Variants in ANKRD44 observed in about 807,000 individuals in gnomAD.
ANKRD44 encodes serine/threonine-protein phosphatase 6 regulatory ankyrin repeat subunit B.
A neutral mutation model predicts 116.0 loss-of-function variants in ANKRD44; 35 were observed. The ratio of observed to expected loss-of-function variants is 0.30; its 90% CI spans 0.23 to 0.40. The LOEUF (loss-of-function observed/expected upper bound fraction) is 0.40. Among genes scored for constraint, ANKRD44 ranks in the 10% least tolerant of loss-of-function variants. ANKRD44 has a pLI of 1.00. For synonymous variants in ANKRD44, 435 were observed against 461.8 expected, an observed-to-expected ratio of 0.94 and a Z score of 0.74; for missense variants, 1,014 against 1,242.6, an observed-to-expected ratio of 0.82 and a Z score of 2.77.
chr2:197,124,748 C>T (rs1279222501), intron 6 of ANKRD44, among the ~76,000 whole-genome samples: 2 of 152,046 alleles, frequency 1.3e-5, no homozygotes, highest in Non-Finnish European at 2.9e-5. Context: ...TCTTCATTTC[C>T]CACAAGTCTA....
chr2:197,140,938 G>A (rs985257753), intron 3 of ANKRD44, among the ~76,000 whole-genome samples: 12 of 152,058 alleles, frequency 7.9e-5, no homozygotes, highest in Admixed American at 2.0e-4. Context: ...TCAATAGGCC[G>A]AGCGCGGTGG....
intron 1 of ANKRD44, chr2:197,296,289 T>G (rs1487769365): frequency 6.6e-6 from 1 of 152,188 alleles, no homozygotes. Flanking sequence ...TAGGACCTTT[T>G]GAGGGGCCAA....
chr2:197,027,426 A>C (rs1369037423), intron 16 of ANKRD44, among the ~76,000 whole-genome samples: 1 of 152,110 alleles, frequency 6.6e-6, no homozygotes, highest in Admixed American at 6.5e-5. Context: ...AGGGTATTTA[A>C]AGCCATAAGA....
chr2:196,976,702 C>CA (rs2075763364), intron 21 of ANKRD44, among the ~76,000 whole-genome samples: 1 of 151,814 alleles, frequency 6.6e-6, no homozygotes, highest in Non-Finnish European at 1.5e-5. Context: ...CCTATCGCCA[C>CA]AAAAAAATAC....
At chr2:197,038,513 C>A (rs2076848878) in intron 16 of ANKRD44, among the ~76,000 whole-genome samples, 1 of 152,150 alleles carries the variant, frequency 6.6e-6, no homozygotes, top group African/African-American at 2.4e-5. Context: ...AATCACTTAT[C>A]ATGAGGTGAC....
intron 9 of ANKRD44, among the ~76,000 whole-genome samples, chr2:197,105,171 TG>T (rs2078395783): frequency 6.6e-6 from 1 of 152,138 alleles, no homozygotes; most frequent in Non-Finnish European, 1.5e-5. Flanking sequence ...TGGAGTTCAG[TG>T]GTGTAATCTC....
intron 16 of ANKRD44, among the ~76,000 whole-genome samples, chr2:197,039,667 TTGTGTGTG>T (rs139563391): frequency 7.8e-6 from 1 of 128,322 alleles, no homozygotes; most frequent in Non-Finnish European, 1.6e-5. Flanking sequence ...GTGGTGGTGA[TTGTGTGTG>T]TGTGCGTGTG....
chr2:197,080,019 G>T (rs933415020), intron 15 of ANKRD44, among the ~76,000 whole-genome samples: 2 of 152,152 alleles, frequency 1.3e-5, no homozygotes, highest in African/African-American at 4.8e-5. Context: ...TATAAGGAAG[G>T]AAGTTCTTTT....
chr2:197,126,082 A>G lies in ANKRD44; in HGVS notation c.262-45T>C, dbSNP rs553522481. 3.4e-5 allele frequency: 55 copies of G among 1,596,416 alleles called. 1 individual carries two copies. The East Asian group carries it at 1.1e-3, about 33-fold the overall frequency. On this transcript the variant is annotated intron_variant, in intron 4 of 27. Transcript: ENST00000282272. ...TGCAGAGGTCACTGACAGACGTTCA[A>G]TCAATACTTACTGGTGTAAGATGCT...
At chr2:197,195,508 C>A (rs140436610) in intron 1 of ANKRD44, among the ~76,000 whole-genome samples, 2 of 152,042 alleles carry the variant, frequency 1.3e-5, no homozygotes, top group African/African-American at 4.8e-5. Context: ...TACAGGGATA[C>A]GGTGAAAACA....
intron 1 of ANKRD44, among the ~76,000 whole-genome samples, chr2:197,280,936 C>A (rs186430483): frequency 6.6e-6 from 1 of 151,438 alleles, no homozygotes; most frequent in Non-Finnish European, 1.5e-5. Context: ...TCAGTGGGGC[C>A]CAAAAAAGAA....
At position 197,220,972 on chromosome 2, in the gene ANKRD44, G is replaced by A. The variant is rs529680745; in HGVS notation, c.28-33866C>T. 7.2e-5 allele frequency among the ~76,000 whole-genome samples: 11 copies of A among 152,160 alleles called. No individual in the cohort carries two copies. The South Asian group carries it at 1.9e-3, about 26-fold the overall frequency. On this transcript the variant is annotated intron_variant, in intron 1 of 27. Coordinates refer to ENST00000282272, the MANE Select transcript of ANKRD44 (RefSeq NM_001195144.2). ...ATTGTAAAAATAGCTGCTAGAGGTCGGGCACAGTGGCTCACGCCTGTAATC... is the reference window on the plus strand; with the variant it reads ...ATTGTAAAAATAGCTGCTAGAGGTCAGGCACAGTGGCTCACGCCTGTAATC...
Position 197,115,515 on chromosome 2 carries a change from G to T in ANKRD44, c.907-4671C>A, listed in dbSNP as rs76794488. Among the ~76,000 whole-genome samples, 128 of 152,318 alleles carry T rather than the reference G, an allele frequency of 8.4e-4. No homozygotes were observed. The East Asian group carries it at 0.023, about 27-fold the overall frequency. Reference sequence around the variant, plus strand: ...ATCAATGTAAGCAAAATGAGGAACTGTGAAATGCAGGCTGAACACACATCC... The same window carrying T: ...ATCAATGTAAGCAAAATGAGGAACTTTGAAATGCAGGCTGAACACACATCC... On this transcript the variant is annotated intron_variant, in intron 8 of 27. Transcript: ENST00000282272.
chr2:197,039,010 A>T (rs2076859077), intron 16 of ANKRD44, among the ~76,000 whole-genome samples: 1 of 152,230 alleles, frequency 6.6e-6, no homozygotes, highest in Non-Finnish European at 1.5e-5. Flanking sequence ...TTTGGGTTAA[A>T]ATGATTTAAG....
At chr2:197,269,812 G>A (rs2082847223) in intron 1 of ANKRD44, among the ~76,000 whole-genome samples, 1 of 152,174 alleles carries the variant, frequency 6.6e-6, no homozygotes, top group African/African-American at 2.4e-5. Flanking sequence ...GGAGGCTTCG[G>A]AGAGACAGTG....
chr2:197,011,162 T>A (rs2076292753), intron 18 of ANKRD44, among the ~76,000 whole-genome samples: 1 of 152,210 alleles, frequency 6.6e-6, no homozygotes, highest in Admixed American at 6.5e-5. Context: ...GTTTAATGTA[T>A]GGCTAAAAGG....
intron 4 of ANKRD44, 162 bp downstream of exon 4, chr2:197,136,430 G>A (rs530282279): frequency 1.5e-6 from 1 of 660,042 alleles, no homozygotes; most frequent in South Asian, 1.8e-5. Flanking sequence ...CACTATGTCT[G>A]GCACACAGGA....
chr2:197,246,310 C>G (rs1393524887), intron 1 of ANKRD44, among the ~76,000 whole-genome samples: 1 of 140,112 alleles, frequency 7.1e-6, no homozygotes, highest in African/African-American at 2.6e-5. Flanking sequence ...TCTCAGCCTC[C>G]CATGTAGCTA....
intron 3 of ANKRD44, among the ~76,000 whole-genome samples, chr2:197,137,383 T>C (rs1345806072): frequency 6.6e-6 from 1 of 151,988 alleles, no homozygotes; most frequent in Non-Finnish European, 1.5e-5. Flanking sequence ...AACTAGAAAG[T>C]AAGGCAGAGA....
Sources: gnomAD v4.1 joint callset for allele counts (sites outside exome capture counted in the v4.1 genomes callset) on GRCh38, gnomAD v4.1.1 for gene constraint, MANE v1.5 for transcripts, NCBI Gene and HGNC (gene_info 2026-07-23, HGNC 2026-07-21) for gene names.